MAPRE2: variants seen among roughly 807,000 people sequenced by gnomAD.
The protein encoded by MAPRE2 is microtubule associated protein RP/EB family member 2.
Under a neutral mutation model 43.2 loss-of-function variants are expected in MAPRE2, and 13 were observed. The ratio of observed to expected loss-of-function variants is 0.30; its 90% CI spans 0.20 to 0.48. MAPRE2 has a LOEUF of 0.48. Among genes scored for constraint, MAPRE2 ranks in the 20% least tolerant of loss-of-function variants. The probability of loss-of-function intolerance (pLI) is 0.99; values close to 1 mark genes in which losing one functional copy is unlikely to be tolerated. For missense variants in MAPRE2, 161 were observed against 400.2 expected (o/e 0.40, Z 5.10); for synonymous variants, 135 against 148.8 (o/e 0.91, Z 0.68).
chr18:35,134,499 C>T (rs550381055), intron 6 of MAPRE2, among the ~76,000 whole-genome samples: 1 of 152,200 alleles, frequency 6.6e-6, no homozygotes, highest in Non-Finnish European at 1.5e-5. Flanking sequence ...AGCTCCAGCA[C>T]TAGGATTTGA....
At chr18:35,088,830 G>GT (rs1908001945) in intron 2 of MAPRE2, among the ~76,000 whole-genome samples, 1 of 152,176 alleles carries the variant, frequency 6.6e-6, no homozygotes, top group Admixed American at 6.5e-5. Context: ...AAAAACAACT[G>GT]TTTGATTTGA....
intron 2 of MAPRE2, among the ~76,000 whole-genome samples, chr18:35,077,236 C>T (rs932391845): frequency 5.9e-5 from 7 of 119,628 alleles, no homozygotes; most frequent in African/African-American, 1.0e-4. Context: ...CAGATACGCG[C>T]GCGTGCGCGC....
In MAPRE2 at chr18:35,143,087, AAAG is replaced by A. The variant is rs1283099743; in HGVS notation, c.*2721_*2723del. The A allele has an allele frequency of 6.6e-6, 1 of 150,746 alleles. No homozygotes were observed. The highest frequency in any genetic ancestry group is 2.1e-4 in the South Asian group (1 of 4,774). The allele number at this position is 150,746 out of a possible 1,614,324, so 9.3% of individuals were successfully genotyped here. ...GAAAAGCAGGAAAAAAAAAAAAAAA[AAAG>A]AAAGAAAAACACCTGTTGACCTGAG... On this transcript the variant is annotated 3_prime_UTR_variant, in exon 7 of 7. Coordinates refer to ENST00000300249, the MANE Select transcript of MAPRE2 (RefSeq NM_014268.4).
chr18:35,053,508 G>A (rs1258366810), intron 1 of MAPRE2, among the ~76,000 whole-genome samples: 1 of 152,012 alleles, frequency 6.6e-6, no homozygotes, highest in Non-Finnish European at 1.5e-5. Flanking sequence ...TACCTTAGAA[G>A]TTTTATATGA....
At chr18:35,077,288 C>T (rs1907417743) in intron 2 of MAPRE2, among the ~76,000 whole-genome samples, 2 of 151,568 alleles carry the variant, frequency 1.3e-5, no homozygotes, top group South Asian at 4.1e-4. Context: ...CACACACACA[C>T]ACAATTGGTA....
At chr18:35,056,238 C>A (rs992368287) in intron 1 of MAPRE2, among the ~76,000 whole-genome samples, 12 of 151,764 alleles carry the variant, frequency 7.9e-5, no homozygotes, top group Non-Finnish European at 8.8e-5. Context: ...ATAATTAATC[C>A]TTTGTAGCAT....
intron 1 of MAPRE2, among the ~76,000 whole-genome samples, chr18:35,058,201 C>A (rs968799802): frequency 6.6e-6 from 1 of 152,124 alleles, no homozygotes; most frequent in African/African-American, 2.4e-5. Context: ...ATAAGGATGT[C>A]TTTTGGAGTC....
At chr18:35,009,597 T>A (rs1177785657) in intron 2 of MAPRE2, among the ~76,000 whole-genome samples, 2 of 152,188 alleles carry the variant, frequency 1.3e-5, no homozygotes, top group African/African-American at 4.8e-5. Context: ...TTCTTGTAAT[T>A]GCACTTGTAC....
chr18:35,006,917 C>G (rs970660763), intron 2 of MAPRE2, among the ~76,000 whole-genome samples: 1 of 152,172 alleles, frequency 6.6e-6, no homozygotes, highest in Non-Finnish European at 1.5e-5. Flanking sequence ...GAGCCAAGAT[C>G]GTGCCACTGC....
intron 1 of MAPRE2, among the ~76,000 whole-genome samples, chr18:35,045,919 C>T (rs140207601): frequency 3.9e-4 from 59 of 152,166 alleles, no homozygotes; most frequent in Non-Finnish European, 7.1e-4. Context: ...ACTTCTTTTA[C>T]GGATTTTCAG....
chr18:34,982,230 A>T (rs1161028918), intron 1 of MAPRE2, among the ~76,000 whole-genome samples: 1 of 152,154 alleles, frequency 6.6e-6, no homozygotes, highest in Non-Finnish European at 1.5e-5. Flanking sequence ...AACCCCAAAC[A>T]TGTTGAGCCA....
At chr18:35,076,495 C>T (rs925374489) in intron 2 of MAPRE2, among the ~76,000 whole-genome samples, 8 of 152,130 alleles carry the variant, frequency 5.3e-5, no homozygotes, top group Non-Finnish European at 1.2e-4. Flanking sequence ...CCCCCTCCCT[C>T]TTAAGTCAGA....
At chr18:35,002,843 T>C (rs1386115065) in intron 1 of MAPRE2, among the ~76,000 whole-genome samples, 2 of 152,202 alleles carry the variant, frequency 1.3e-5, no homozygotes, top group Admixed American at 6.5e-5. Context: ...TACTTTCTTC[T>C]AGTTTATATC....
chr18:35,111,010 AT>A (rs1292451156), intron 4 of MAPRE2, among the ~76,000 whole-genome samples: 4 of 151,918 alleles, frequency 2.6e-5, no homozygotes, highest in Non-Finnish European at 5.9e-5. Context: ...TCCAAGCATT[AT>A]TTTTTCAAAT....
intron 2 of MAPRE2, among the ~76,000 whole-genome samples, chr18:35,035,175 T>G (rs1603392244): frequency 1.3e-5 from 2 of 151,970 alleles, no homozygotes; most frequent in Admixed American, 6.6e-5. Context: ...TGGAATACTA[T>G]GCAGCCATAA....
intron 2 of MAPRE2, among the ~76,000 whole-genome samples, chr18:35,007,624 G>T (rs187690523): frequency 6.6e-6 from 1 of 152,178 alleles, no homozygotes; most frequent in Non-Finnish European, 1.5e-5. Flanking sequence ...CATCATTTGC[G>T]CATCCATGAT....
intron 2 of MAPRE2, among the ~76,000 whole-genome samples, chr18:35,017,910 A>G (rs984839182): frequency 6.6e-6 from 1 of 151,766 alleles, no homozygotes; most frequent in Non-Finnish European, 1.5e-5. Context: ...CCAGTTCTCA[A>G]TATGAATGCA....
chr18:34,986,596 T>C (rs1028221871), intron 1 of MAPRE2, among the ~76,000 whole-genome samples: 4 of 152,164 alleles, frequency 2.6e-5, no homozygotes, highest in African/African-American at 9.7e-5. Context: ...TAAAAGGAGC[T>C]TCCACAAATT....
chr18:35,130,677 A>G (rs1434440672), intron 5 of MAPRE2, among the ~76,000 whole-genome samples: 2 of 152,172 alleles, frequency 1.3e-5, no homozygotes, highest in Non-Finnish European at 2.9e-5. Flanking sequence ...GCCATGAAAG[A>G]CTTAATTTAC....
Sources: gnomAD v4.1 joint callset for allele counts (sites outside exome capture counted in the v4.1 genomes callset) on GRCh38, gnomAD v4.1.1 for gene constraint, MANE v1.5 for transcripts, NCBI Gene and HGNC (gene_info 2026-07-23, HGNC 2026-07-21) for gene names.